Variants in METTL15 observed in about 807,000 individuals in gnomAD.
METTL15 encodes methyltransferase 15, mitochondrial 12S rRNA N4-cytidine, also known as 12S rRNA N(4)-cytidine methyltransferase METTL15.
In METTL15, 34 loss-of-function variants were observed where a neutral mutation model predicts 38.3. That is an observed-to-expected ratio of 0.89 (90% CI 0.68 to 1.18). The LOEUF (loss-of-function observed/expected upper bound fraction) is 1.18, where lower values mean the gene tolerates loss of function less well. METTL15 is among the 50% of genes most tolerant of loss of function. The pLI is 0.00. For synonymous variants in METTL15, 162 were observed against 170.9 expected (o/e 0.95, Z 0.41); for missense variants, 438 against 498.4 (o/e 0.88, Z 1.15).
intron 6 of METTL15, among the ~76,000 whole-genome samples, chr11:28,499,305 A>G (rs937498137): frequency 2.8e-4 from 43 of 152,200 alleles, no homozygotes; most frequent in African/African-American, 9.9e-4. Flanking sequence ...GTGTACATAC[A>G]TGCACACACA....
At chr11:28,318,534 TGTGTA>T (rs1464281761) in intron 6 of METTL15, among the ~76,000 whole-genome samples, 1 of 152,206 alleles carries the variant, frequency 6.6e-6, no homozygotes, top group African/African-American at 2.4e-5. Flanking sequence ...GCTAAAATAC[TGTGTA>T]AGAAATGTAT....
rs1180193323 is a variant in METTL15 at position 28,236,018 on chromosome 11, G to C, written c.407+24820G>C. Among the ~76,000 whole-genome samples, 1,391 of 151,950 alleles carry C rather than the reference G, an allele frequency of 9.2e-3. 17 individuals carry two copies. Among genetic ancestry groups the C allele is most frequent in the Non-Finnish European group, 0.012 (796 of 67,946 alleles). Reference sequence around the variant, plus strand: ...TTTATTGAGAGTTTTTAGCATGAAGGGTTGTTGAATTTTGTCAAAGGCCTT... The same window carrying C: ...TTTATTGAGAGTTTTTAGCATGAAGCGTTGTTGAATTTTGTCAAAGGCCTT... On this transcript the variant is annotated intron_variant, in intron 4 of 6. Coordinates refer to ENST00000407364, the MANE Select transcript of METTL15 (RefSeq NM_001113528.2).
At chr11:28,236,557 T>C (rs146415759) in intron 4 of METTL15, among the ~76,000 whole-genome samples, 26 of 152,362 alleles carry the variant, frequency 1.7e-4, no homozygotes, top group African/African-American at 5.8e-4. Flanking sequence ...TGTCGAGGAA[T>C]TTGCCAGTCT....
intron 5 of METTL15, among the ~76,000 whole-genome samples, chr11:28,377,694 G>C (rs1000159504): frequency 6.6e-6 from 1 of 152,138 alleles, no homozygotes; most frequent in Non-Finnish European, 1.5e-5. Flanking sequence ...TTGTTCCTTT[G>C]CTGGTGAGGA....
chr11:28,391,159 A>G (rs920971680), intron 5 of METTL15, among the ~76,000 whole-genome samples: 12 of 152,146 alleles, frequency 7.9e-5, no homozygotes, highest in African/African-American at 2.9e-4. Flanking sequence ...TAGATATACA[A>G]TCATGTCATC....
Position 28,192,372 on chromosome 11 carries a change from T to G in METTL15, c.271-18690T>G, listed in dbSNP as rs185550312. On this transcript the variant is annotated intron_variant, in intron 3 of 6. Transcript: ENST00000407364. Reference sequence around the variant, plus strand: ...TTGAACCAGCCTTGCATTCCTGGGATTAGCCCCACTTGACCACAATGTAGT... The same window carrying G: ...TTGAACCAGCCTTGCATTCCTGGGAGTAGCCCCACTTGACCACAATGTAGT... Among the ~76,000 whole-genome samples, 12 of 152,000 alleles carry G rather than the reference T, an allele frequency of 7.9e-5. No individual in the cohort carries two copies. In the East Asian group the frequency reaches 2.1e-3, roughly 27 times the overall value.
chr11:28,168,611 TC>T (rs11392525), intron 3 of METTL15, among the ~76,000 whole-genome samples: 1 of 142,586 alleles, frequency 7.0e-6, no homozygotes, highest in South Asian at 2.2e-4. Flanking sequence ...ATGCTATCCC[TC>T]CCCCTCCCCC....
rs1851663661 is a variant in METTL15, at chr11:28,110,305, GC to G, written c.-113del. On this transcript the variant is annotated 5_prime_UTR_variant, in exon 2 of 7. Transcript: ENST00000407364. Reference sequence around the variant, plus strand: ...CCGTCCTTACAAGTTTCCCCCAGGGGCAGGACCTAGACGCGCGGCGCATTCA... The same window carrying G: ...CCGTCCTTACAAGTTTCCCCCAGGGGAGGACCTAGACGCGCGGCGCATTCA... The G allele has an allele frequency of 6.6e-6, 1 of 152,210 alleles. No homozygotes were observed. The highest frequency in any genetic ancestry group is 1.5e-5 in the Non-Finnish European group (1 of 68,086). 9.4% of individuals were successfully genotyped at this position (152,210 alleles called of 1,614,324 possible). A position where few individuals can be genotyped will look rare whatever the true frequency, so the allele number is the denominator to read the frequency against.
chr11:28,296,899 C>A lies in METTL15; in HGVS notation c.746C>A (p.Thr249Asn), dbSNP rs770880037. 1 of 1,613,550 alleles carries A rather than the reference C, an allele frequency of 6.2e-7. No homozygotes were observed. The highest frequency in any genetic ancestry group is 8.5e-7 in the Non-Finnish European group (1 of 1,179,680). Residue 249 changes from threonine (T) to asparagine (N), a missense_variant, in exon 6 of 7, where the codon ACC becomes AAC. Transcript: ENST00000407364. ...CAGGCACGCAGCATCTACCCCATCACCAGAACCCAGCAGCTTGCCAGCATC... is the reference window on the plus strand; with the variant it reads ...CAGGCACGCAGCATCTACCCCATCAACAGAACCCAGCAGCTTGCCAGCATC... ...IVQARSIYPI[T>N]RTQQLASIVA... is the part of the protein sequence containing the mutation.
intron 4 of METTL15, among the ~76,000 whole-genome samples, chr11:28,275,948 A>T (rs1002620720): frequency 6.6e-6 from 1 of 152,110 alleles, no homozygotes; most frequent in Non-Finnish European, 1.5e-5. Context: ...AACATTCCTT[A>T]AAATACTAAG....
intron 4 of METTL15, among the ~76,000 whole-genome samples, chr11:28,361,726 T>C (rs369109824): frequency 9.9e-5 from 15 of 152,240 alleles, no homozygotes; most frequent in African/African-American, 3.1e-4. Flanking sequence ...TAATACTTAA[T>C]ATCGGTAAAA....
intron 3 of METTL15, among the ~76,000 whole-genome samples, chr11:28,157,753 G>A (rs1404056318): frequency 2.6e-5 from 4 of 152,098 alleles, no homozygotes; most frequent in Admixed American, 6.5e-5. Flanking sequence ...TGAGGAAGTG[G>A]CGCAAATGCC....
intron 6 of METTL15, among the ~76,000 whole-genome samples, chr11:28,471,522 A>C (rs892075315): frequency 4.6e-5 from 7 of 152,136 alleles, no homozygotes; most frequent in Non-Finnish European, 7.4e-5. Flanking sequence ...AGGTGGTTGA[A>C]AGAACTTCTG....
intron 3 of METTL15, among the ~76,000 whole-genome samples, chr11:28,118,430 A>T (rs927483956): frequency 3.3e-5 from 5 of 152,262 alleles, no homozygotes; most frequent in Non-Finnish European, 7.4e-5. Context: ...CTCCCTGCTT[A>T]GTTTGCATCA....
intron 5 of METTL15, among the ~76,000 whole-genome samples, chr11:28,374,026 T>G (rs1359455290): frequency 6.6e-6 from 1 of 152,208 alleles, no homozygotes; most frequent in Non-Finnish European, 1.5e-5. Flanking sequence ...TTGATCTGTA[T>G]CTCTGTTTTG....
At chr11:28,491,467 C>T (rs528102156) in intron 6 of METTL15, among the ~76,000 whole-genome samples, 1 of 152,186 alleles carries the variant, frequency 6.6e-6, no homozygotes, top group African/African-American at 2.4e-5. Flanking sequence ...GGTGCATGGT[C>T]TAGGCAGAGC....
chr11:28,279,686 G>A (rs1485784826), intron 4 of METTL15, among the ~76,000 whole-genome samples: 7 of 152,082 alleles, frequency 4.6e-5, no homozygotes, highest in Admixed American at 3.9e-4. Flanking sequence ...GGATCACAAG[G>A]TCAGGAGTTC....
At chr11:28,115,658 A>G (rs1350891091) in intron 3 of METTL15, among the ~76,000 whole-genome samples, 2 of 152,102 alleles carry the variant, frequency 1.3e-5, no homozygotes, top group African/African-American at 4.8e-5. Flanking sequence ...AAGATAAAAT[A>G]TATTTACTAT....
At position 28,510,451 on chromosome 11, in the gene METTL15, A is replaced by G. The variant is rs536446340; in HGVS notation, c.*425-16027A>G. Among the ~76,000 whole-genome samples the G allele has an allele frequency of 3.2e-4, 49 of 152,308 alleles. 1 individual carries two copies. In the South Asian group the frequency reaches 0.01, roughly 32 times the overall value. On this transcript the variant is annotated intron_variant and NMD_transcript_variant, in intron 6 of 7. Transcript: ENST00000532947. ...AAATTATATGTAGCTAATGTCCAATAGTGAGAAAATGGAGTGAGTTTGGTC... is the reference window on the plus strand; with the variant it reads ...AAATTATATGTAGCTAATGTCCAATGGTGAGAAAATGGAGTGAGTTTGGTC...
Sources: allele counts gnomAD v4.1 joint callset (sites outside exome capture counted in the v4.1 genomes callset), GRCh38; gene constraint gnomAD v4.1.1; transcripts MANE v1.5; gene names NCBI Gene and HGNC (gene_info 2026-07-23, HGNC 2026-07-21).